The following KCTD16 variants were observed in gnomAD, a reference collection of about 807,000 sequenced individuals.
The protein encoded by KCTD16 is potassium channel tetramerization domain containing 16.
In KCTD16, 13 loss-of-function variants were observed where a neutral mutation model predicts 33.2. That is an observed-to-expected ratio of 0.39 (90% CI 0.25 to 0.62). The LOEUF (loss-of-function observed/expected upper bound fraction) is 0.62. KCTD16 is among the 20% of genes least tolerant of loss of function. The pLI, the probability that KCTD16 is intolerant of heterozygous loss-of-function variation, is 0.50. For missense variants in KCTD16, 441 were observed against 525.1 expected, an observed-to-expected ratio of 0.84 and a Z score of 1.57; for synonymous variants, 197 against 195.3, an observed-to-expected ratio of 1.01 and a Z score of -0.07.
chr5:144,453,204 T>C (rs1753985529), intron 3 of KCTD16, among the ~76,000 whole-genome samples: 2 of 152,052 alleles, frequency 1.3e-5, no homozygotes, highest in African/African-American at 4.8e-5. Flanking sequence ...ATCTCCCTTT[T>C]CCCTCAGGTG....
At chr5:144,451,174 G>C (rs1457432618) in intron 3 of KCTD16, among the ~76,000 whole-genome samples, 1 of 152,048 alleles carries the variant, frequency 6.6e-6, no homozygotes, top group Non-Finnish European at 1.5e-5. Flanking sequence ...CTGAATTGGA[G>C]AAGCTGGAGT....
At chr5:144,269,775 T>G (rs984064) in intron 3 of KCTD16, among the ~76,000 whole-genome samples, 50,712 of 151,982 alleles carry the variant, frequency 0.33, 9,099 homozygotes, top group African/African-American at 0.46. Context: ...GCATTTAAAA[T>G]AATTATTAGT....
intron 2 of KCTD16, among the ~76,000 whole-genome samples, chr5:144,192,409 GT>G (rs1752860658): frequency 6.6e-6 from 1 of 152,156 alleles, no homozygotes; most frequent in African/African-American, 2.4e-5. Flanking sequence ...CCTTTTTATA[GT>G]TTGCTTAATC....
intron 2 of KCTD16, among the ~76,000 whole-genome samples, chr5:144,174,832 T>C (rs926205162): frequency 3.9e-5 from 6 of 152,236 alleles, no homozygotes; most frequent in Admixed American, 3.9e-4. Context: ...AGATAACATA[T>C]AAGCAATATT....
chr5:144,474,192 GA>G lies in KCTD16; in HGVS notation c.*85del. On this transcript the variant is annotated 3_prime_UTR_variant, in exon 4 of 4. Coordinates refer to ENST00000512467, the MANE Select transcript of KCTD16 (RefSeq NM_020768.4). ...CCTAAAAGGAATTCATATTTTAAAG[GA>G]AAAAAATACAACTAATGATGCACAT... 3 of 1,145,256 alleles carry G rather than the reference GA, an allele frequency of 2.6e-6. No homozygotes were observed. Among genetic ancestry groups the G allele is most frequent in the African/African-American group, 1.6e-5 (1 of 64,072 alleles). The allele number at this position is 1,145,256 out of a possible 1,614,324, so 70.9% of individuals were successfully genotyped here.
chr5:144,171,975 G>A (rs1191593631), intron 1 of KCTD16, among the ~76,000 whole-genome samples: 1 of 152,170 alleles, frequency 6.6e-6, no homozygotes, highest in African/African-American at 2.4e-5. Flanking sequence ...AGGGTTTATA[G>A]CAATAAAATT....
chr5:144,446,589 C>T (rs528457952), intron 3 of KCTD16, among the ~76,000 whole-genome samples: 56 of 152,044 alleles, frequency 3.7e-4, no homozygotes, highest in African/African-American at 1.1e-3. Flanking sequence ...TCCTGCACAG[C>T]GAAAGAAACT....
At chr5:144,469,754 A>C (rs542705565) in intron 3 of KCTD16, among the ~76,000 whole-genome samples, 1 of 152,102 alleles carries the variant, frequency 6.6e-6, no homozygotes, top group African/African-American at 2.4e-5. Context: ...CTGCCATGTT[A>C]TCAACTTGAT....
intron 3 of KCTD16, among the ~76,000 whole-genome samples, chr5:144,358,903 G>A (rs745836294): frequency 2.0e-5 from 3 of 152,060 alleles, no homozygotes; most frequent in Non-Finnish European, 4.4e-5. Flanking sequence ...TCACCTTGAG[G>A]GCCAGGATTT....
intron 3 of KCTD16, among the ~76,000 whole-genome samples, chr5:144,340,815 C>T (rs770547996): frequency 3.9e-5 from 6 of 151,928 alleles, no homozygotes; most frequent in African/African-American, 7.3e-5. Flanking sequence ...TTTAGGAGGC[C>T]GAGGCAGATG....
At chr5:144,323,582 T>C (rs935717848) in intron 3 of KCTD16, among the ~76,000 whole-genome samples, 16 of 152,174 alleles carry the variant, frequency 1.1e-4, no homozygotes, top group African/African-American at 3.9e-4. Context: ...CAGCCTGCTC[T>C]AATATGGCAG....
intron 3 of KCTD16, among the ~76,000 whole-genome samples, chr5:144,282,182 G>A (rs1755625926): frequency 6.6e-6 from 1 of 152,138 alleles, no homozygotes. Flanking sequence ...GGATCTGAAG[G>A]TTGAGCTGAT....
chr5:144,260,743 T>C (rs1754984328), intron 3 of KCTD16, among the ~76,000 whole-genome samples: 1 of 141,188 alleles, frequency 7.1e-6, no homozygotes, highest in South Asian at 2.2e-4. Context: ...CCTGTTTTTT[T>C]TGTTGTTGTT....
intron 3 of KCTD16, among the ~76,000 whole-genome samples, chr5:144,244,545 T>G (rs146475879): frequency 6.6e-6 from 1 of 152,338 alleles, no homozygotes; most frequent in African/African-American, 2.4e-5. Flanking sequence ...TCTTTTCATT[T>G]TTGCACTTCC....
rs190699743 is a variant in KCTD16 at position 144,479,570 on chromosome 5, G to T, written c.*5456G>T. ...TAAATATTGCCAAAGGAAAGTGAAGGATGTTTAATGAAACTGATGAACATG... is the reference window on the plus strand; with the variant it reads ...TAAATATTGCCAAAGGAAAGTGAAGTATGTTTAATGAAACTGATGAACATG... On this transcript the variant is annotated 3_prime_UTR_variant, in exon 4 of 4. Coordinates refer to ENST00000512467, the MANE Select transcript of KCTD16 (RefSeq NM_020768.4). The T allele has an allele frequency of 2.0e-5, 3 of 151,812 alleles. No homozygotes were observed. In the East Asian group the frequency reaches 5.8e-4, roughly 30 times the overall value. 9.4% of individuals were successfully genotyped at this position (151,812 alleles called of 1,614,324 possible). A position where few individuals can be genotyped will look rare whatever the true frequency, so the allele number is the denominator to read the frequency against.
chr5:144,419,525 A>G (rs752022377), intron 3 of KCTD16, among the ~76,000 whole-genome samples: 26 of 152,206 alleles, frequency 1.7e-4, no homozygotes, highest in Admixed American at 3.9e-4. Context: ...CTAGTTATTA[A>G]ACACCTGCGT....
At chr5:144,421,652 T>C (rs896462900) in intron 3 of KCTD16, among the ~76,000 whole-genome samples, 5 of 152,138 alleles carry the variant, frequency 3.3e-5, no homozygotes, top group African/African-American at 1.2e-4. Flanking sequence ...CTGTCTCCAC[T>C]GTTGCACAGA....
Position 144,376,997 on chromosome 5 carries a change from G to A in KCTD16, c.833-96663G>A, listed in dbSNP as rs553150315. Among the ~76,000 whole-genome samples, 6 of 152,300 alleles carry A rather than the reference G, an allele frequency of 3.9e-5. No individual in the cohort carries two copies. The South Asian group carries it at 1.0e-3, about 26-fold the overall frequency. On this transcript the variant is annotated intron_variant, in intron 3 of 3. Transcript: ENST00000512467. ...ACTATTCCTTATTGCAGGCTTGGGT[G>A]TACATATCTACGCATTCAGACTTGG...
At chr5:144,218,605 A>G (rs888135408) in intron 3 of KCTD16, among the ~76,000 whole-genome samples, 1 of 152,206 alleles carries the variant, frequency 6.6e-6, no homozygotes, top group African/African-American at 2.4e-5. Flanking sequence ...ATAGTGCTTT[A>G]GCCAAATCAG....
Sources: gnomAD v4.1 joint callset for allele counts (sites outside exome capture counted in the v4.1 genomes callset) on GRCh38, gnomAD v4.1.1 for gene constraint, MANE v1.5 for transcripts, NCBI Gene and HGNC (gene_info 2026-07-23, HGNC 2026-07-21) for gene names.